MAP3K3: variants seen among roughly 807,000 people sequenced by gnomAD.
MAP3K3 encodes the protein mitogen-activated protein kinase kinase kinase 3, also known as MAP/ERK kinase kinase 3.
Under a neutral mutation model 80.9 loss-of-function variants are expected in MAP3K3, and 12 were observed. The observed-to-expected ratio is 0.15, with a 90% CI of 0.10 to 0.24. MAP3K3 has a LOEUF of 0.24. Ranked by LOEUF, MAP3K3 falls within the 10% of genes least tolerant of loss-of-function variation. MAP3K3 has a pLI of 1.00. For synonymous variants in MAP3K3, 272 were observed against 307.1 expected, an observed-to-expected ratio of 0.89 and a Z score of 1.19; for missense variants, 596 against 834.7, an observed-to-expected ratio of 0.71 and a Z score of 3.52.
Position 63,692,479 on chromosome 17 carries a change from G to A in MAP3K3, c.1652+60G>A. 2.6e-6 allele frequency: 4 copies of A among 1,516,970 alleles called. No individual in the cohort carries two copies. Among genetic ancestry groups the A allele is most frequent in the Non-Finnish European group, 3.5e-6 (4 of 1,128,194 alleles). 94.0% of individuals were successfully genotyped at this position (1,516,970 alleles called of 1,614,324 possible). A position where few individuals can be genotyped will look rare whatever the true frequency, so the allele number is the denominator to read the frequency against. On this transcript the variant is annotated intron_variant, in intron 15 of 15. Transcript: ENST00000361733. This position sits in a 1 kb window ranked among gnomAD's most constrained non-coding sequence, Gnocchi z 4.5. ...CCCAGGCCATAGTGGCCCCCCATTA[G>A]AAACACACCCTGGGGACTTTGTGGT...
intron 1 of MAP3K3, among the ~76,000 whole-genome samples, chr17:63,624,438 G>T (rs942649924): frequency 2.6e-5 from 4 of 152,128 alleles, no homozygotes; most frequent in Non-Finnish European, 5.9e-5. Flanking sequence ...GCCCACATGT[G>T]TTGACTACAT....
At chr17:63,633,508 G>T (rs758223758) in intron 2 of MAP3K3, among the ~76,000 whole-genome samples, 4 of 152,170 alleles carry the variant, frequency 2.6e-5, no homozygotes, top group African/African-American at 9.7e-5. Context: ...ATGTCACCTA[G>T]TATATTCTGA....
At position 63,632,956 on chromosome 17, in the gene MAP3K3, A is replaced by G. The variant is rs148431069; in HGVS notation, c.126+154A>G. ...GTTAAATGGGAAGTAATACATACCA[A>G]CCAGGTATGGTTAAATGGTAAGTGA... is the stretch of plus-strand genomic sequence containing the variant. On this transcript the variant is annotated intron_variant, in intron 2 of 15. Coordinates refer to ENST00000361733, the MANE Select transcript of MAP3K3 (RefSeq NM_002401.5). 2.0e-5 allele frequency among the ~76,000 whole-genome samples: 3 copies of G among 152,232 alleles called. No individual in the cohort carries two copies. In the East Asian group the frequency reaches 5.8e-4, roughly 29 times the overall value.
intron 4 of MAP3K3, among the ~76,000 whole-genome samples, chr17:63,654,026 C>T (rs1318256101): frequency 2.6e-5 from 4 of 152,070 alleles, no homozygotes. Flanking sequence ...ACCATCACAC[C>T]CAGCTAATTT....
At chr17:63,627,534 C>G (rs1018928295) in intron 1 of MAP3K3, among the ~76,000 whole-genome samples, 7 of 151,954 alleles carry the variant, frequency 4.6e-5, no homozygotes, top group African/African-American at 1.7e-4. Flanking sequence ...CCTCTGCCTC[C>G]CGGGTTCAAG....
chr17:63,673,923 A>G (rs745354922), intron 6 of MAP3K3, among the ~76,000 whole-genome samples: 10 of 152,014 alleles, frequency 6.6e-5, no homozygotes, highest in Non-Finnish European at 1.0e-4. Flanking sequence ...ATAAAAAATA[A>G]ATAAAAATTA....
intron 4 of MAP3K3, among the ~76,000 whole-genome samples, chr17:63,655,367 A>G (rs8077265): frequency 0.38 from 57,681 of 152,120 alleles, 14,315 homozygotes; most frequent in African/African-American, 0.71. Context: ...TGGGATTTGG[A>G]TGGGGACACA....
intron 2 of MAP3K3, among the ~76,000 whole-genome samples, chr17:63,641,441 C>T (rs1411616961): frequency 3.3e-5 from 5 of 152,070 alleles, no homozygotes; most frequent in South Asian, 2.1e-4. Context: ...CGGGGTTTCA[C>T]CATGTTGGCC....
chr17:63,692,430 G>A lies in MAP3K3; in HGVS notation c.1652+11G>A. 1 of 1,594,674 alleles carries A rather than the reference G, an allele frequency of 6.3e-7. No homozygotes were observed. The highest frequency in any genetic ancestry group is 8.6e-7 in the Non-Finnish European group (1 of 1,168,630). The stretch of plus-strand genomic sequence containing the variant: ...GAAAGCAGACGTGTGGTGAGCACTG[G>A]GACATGCAGAACCCATTCTTCCACC... On this transcript the variant is annotated intron_variant, in intron 15 of 15. Transcript: ENST00000361733. This position sits in a 1 kb window ranked among gnomAD's most constrained non-coding sequence, Gnocchi z 4.5.
intron 1 of MAP3K3, among the ~76,000 whole-genome samples, chr17:63,625,288 T>G (rs1319812448): frequency 2.0e-5 from 3 of 152,184 alleles, no homozygotes; most frequent in African/African-American, 7.2e-5. Context: ...ATAGGAAATT[T>G]TTTTTTTTGC....
chr17:63,662,571 T>A (rs1356072344), intron 5 of MAP3K3, among the ~76,000 whole-genome samples: 1 of 151,858 alleles, frequency 6.6e-6, no homozygotes, highest in East Asian at 1.9e-4. Context: ...TGAGGCAGTG[T>A]GTAGTGACAG....
chr17:63,671,402 T>C (rs557187974), intron 6 of MAP3K3, among the ~76,000 whole-genome samples: 33 of 151,984 alleles, frequency 2.2e-4, no homozygotes, highest in South Asian at 1.0e-3. Flanking sequence ...ACTACAGGCA[T>C]GCGCCACCAC....
At chr17:63,688,132 C>A (rs1191423512) in intron 8 of MAP3K3, 2 of 270,286 alleles carry the variant, frequency 7.4e-6, no homozygotes, top group Non-Finnish European at 7.2e-6. Flanking sequence ...ATGAGAAAAA[C>A]CTCACTTTAG....
intron 6 of MAP3K3, among the ~76,000 whole-genome samples, chr17:63,674,837 G>C (rs1228794283): frequency 1.3e-5 from 2 of 152,270 alleles, no homozygotes; most frequent in Admixed American, 1.3e-4. Context: ...CTCTGCCTCT[G>C]AGAGACATGG....
chr17:63,667,314 AGTG>A (rs1349529488), intron 6 of MAP3K3, among the ~76,000 whole-genome samples: 133 of 152,312 alleles, frequency 8.7e-4, no homozygotes, highest in South Asian at 1.2e-3. Flanking sequence ...TCCCTGAAAA[AGTG>A]ATTGCCTCAG....
chr17:63,639,276 G>T (rs140955660), intron 2 of MAP3K3, among the ~76,000 whole-genome samples: 1 of 152,140 alleles, frequency 6.6e-6, no homozygotes, highest in Non-Finnish European at 1.5e-5. Flanking sequence ...TAGGTAGAAC[G>T]GAGGAAGGGT....
At chr17:63,665,449 G>T (rs1367391647) in intron 5 of MAP3K3, among the ~76,000 whole-genome samples, 1 of 152,124 alleles carries the variant, frequency 6.6e-6, no homozygotes, top group Non-Finnish European at 1.5e-5. Context: ...ATAGGCATGA[G>T]CCACTCCCGG....
intron 8 of MAP3K3, 129 bp from the exon 9 acceptor site, chr17:63,688,398 T>G (rs1399293352): frequency 5.0e-5 from 37 of 735,020 alleles, no homozygotes; most frequent in Non-Finnish European, 8.1e-5. Flanking sequence ...AGAAAAGGGC[T>G]ATTTCCCGCA....
chr17:63,632,135 C>G (rs936218690), intron 1 of MAP3K3, among the ~76,000 whole-genome samples: 1 of 152,132 alleles, frequency 6.6e-6, no homozygotes, highest in Non-Finnish European at 1.5e-5. Context: ...TGAGCGTGTC[C>G]CTTCCCTGCA....
Sources: gnomAD v4.1 joint callset for allele counts (sites outside exome capture counted in the v4.1 genomes callset) on GRCh38, gnomAD v4.1.1 for gene constraint, Gnocchi (gnomAD v3.1) non-coding constraint, MANE v1.5 for transcripts, NCBI Gene and HGNC (gene_info 2026-07-23, HGNC 2026-07-21) for gene names.